GHRL: variants seen among roughly 807,000 people sequenced by gnomAD.
GHRL encodes ghrelin and obestatin prepropeptide, also known as appetite-regulating hormone.
In GHRL, 24 loss-of-function variants were observed where a neutral mutation model predicts 16.9. The ratio of observed to expected loss-of-function variants is 1.42; its 90% CI spans 1.03 to 2.00. GHRL has a LOEUF of 2.00. Ranked by LOEUF, GHRL falls within the 30% of genes most tolerant of loss-of-function variation. The pLI is 0.00. For missense variants in GHRL, 193 were observed against 142.1 expected, an observed-to-expected ratio of 1.36 and a Z score of -1.82; for synonymous variants, 63 against 58.2, an observed-to-expected ratio of 1.08 and a Z score of -0.37.
chr3:10,290,097 C>T lies in GHRL; in HGVS notation c.84G>A (p.Leu28=). ...LDLAMAGSSF[L]SPEHQRVQQR... is the part of the protein sequence containing the mutation. Reference sequence around the variant, plus strand: ...CCTGGACTCTCTGGTGTTCAGGGCTCAGGAAGCTGGAGCCTGCCATGGCCA... The same window carrying T: ...CCTGGACTCTCTGGTGTTCAGGGCTTAGGAAGCTGGAGCCTGCCATGGCCA... The change falls in exon 3 of 6, where the codon CTG becomes CTA. Residue 28 remains leucine (L), a synonymous_variant. Coordinates refer to ENST00000335542, the MANE Select transcript of GHRL (RefSeq NM_016362.5). 6.2e-7 allele frequency: 1 copy of T among 1,612,872 alleles called. No individual in the cohort carries two copies. The highest frequency in any genetic ancestry group is 8.5e-7 in the Non-Finnish European group (1 of 1,179,746).
intron 3 of GHRL, 63 bp from the exon 4 acceptor site, chr3:10,289,941 G>T: frequency 1.3e-6 from 2 of 1,489,894 alleles, no homozygotes; most frequent in Non-Finnish European, 1.9e-6. Flanking sequence ...AAACAGTGAG[G>T]TCAGACCCAG....
chr3:10,290,070 C>T lies in GHRL; in HGVS notation c.108+3G>A. 2 of 1,611,308 alleles carry T rather than the reference C, an allele frequency of 1.2e-6. No homozygotes were observed. Among genetic ancestry groups the T allele is most frequent in the African/African-American group, 1.3e-5 (1 of 75,004 alleles). ...CATGTGGGGCTTTGTGGGGAGGTCT[C>T]ACCTGGACTCTCTGGTGTTCAGGGC... On this transcript the variant is annotated splice_donor_region_variant and intron_variant, in intron 3 of 5. Transcript: ENST00000335542.
Position 10,290,501 on chromosome 3 carries a change from G to A in GHRL, c.-30+215C>T. On this transcript the variant is annotated intron_variant, in intron 2 of 5. Transcript: ENST00000335542. ...GAGCTCATGGCGAGTCTTTTCATGAGGAGGGAGGAAGCTGAACCAGCAAGG... is the reference window on the plus strand; with the variant it reads ...GAGCTCATGGCGAGTCTTTTCATGAAGAGGGAGGAAGCTGAACCAGCAAGG... 4 of 346,260 alleles carry A rather than the reference G, an allele frequency of 1.2e-5. No individual in the cohort carries two copies. The South Asian group carries it at 1.3e-4, about 11-fold the overall frequency. 21.4% of individuals were successfully genotyped at this position (346,260 alleles called of 1,614,324 possible).
At chr3:10,292,656 G>GTAGAT (rs1486988099) in intron 1 of GHRL, 186 bp downstream of exon 1, 1 of 568,044 alleles carries the variant, frequency 1.8e-6, no homozygotes, top group East Asian at 3.2e-5. Flanking sequence ...CCACCTGAGT[G>GTAGAT]TAGACATCTT....
chr3:10,289,347 G>A (rs962372462), intron 4 of GHRL, among the ~76,000 whole-genome samples: 6 of 152,162 alleles, frequency 3.9e-5, no homozygotes, highest in Non-Finnish European at 7.3e-5. Flanking sequence ...GGTGCTGTTC[G>A]GAAGCACTCC....
chr3:10,289,288 G>A lies in GHRL; in HGVS notation c.225+474C>T, dbSNP rs892132181. On this transcript the variant is annotated intron_variant, in intron 4 of 5. Coordinates refer to ENST00000335542, the MANE Select transcript of GHRL (RefSeq NM_016362.5). ...ACCTGCCCCCTCCTTGCCTCCAGGC[G>A]AGGTGAGTGGGTGCCGGAGCCTGGG... Among the ~76,000 whole-genome samples the A allele has an allele frequency of 3.3e-5, 5 of 152,150 alleles. No homozygotes were observed. The East Asian group carries it at 5.8e-4, about 18-fold the overall frequency.
Position 10,285,845 on chromosome 3 carries a change from T to TAG in GHRL, c.*28_*29dup. 1 of 1,604,792 alleles carries TAG rather than the reference T, an allele frequency of 6.2e-7. No individual in the cohort carries two copies. The highest frequency in any genetic ancestry group is 8.5e-7 in the Non-Finnish European group (1 of 1,171,616). The stretch of plus-strand genomic sequence containing the variant: ...AAAGCCAGATGAGCGCTTCTAAACT[T>TAG]AGAGAGAGGTGAGTAAGGCTTGTGG... On this transcript the variant is annotated 3_prime_UTR_variant, in exon 6 of 6. Transcript: ENST00000335542.
In GHRL at chr3:10,289,759, G is replaced by A. The variant is rs566069502; in HGVS notation, c.225+3C>T. On this transcript the variant is annotated splice_donor_region_variant and intron_variant, in intron 4 of 5. Coordinates refer to ENST00000335542, the MANE Select transcript of GHRL (RefSeq NM_016362.5). ...AGAAGCATAAAACTGCAGAGGTACC[G>A]ACCCGGACTTCCAGTTCATCCTCTG... 8.9e-6 allele frequency: 14 copies of A among 1,566,514 alleles called. No individual in the cohort carries two copies. The highest frequency in any genetic ancestry group is 6.7e-5 in the East Asian group (3 of 44,576).
chr3:10,291,862 G>GGCA (rs1043293518), intron 1 of GHRL, among the ~76,000 whole-genome samples: 25 of 152,284 alleles, frequency 1.6e-4, no homozygotes, highest in Non-Finnish European at 2.6e-4. Context: ...GGTGAACTCG[G>GGCA]GGCAGGGCTT....
chr3:10,286,932 C>T (rs997228610), intron 4 of GHRL, 120 bp from the exon 5 acceptor site: 2 of 636,934 alleles, frequency 3.1e-6, no homozygotes, highest in South Asian at 3.7e-5. Flanking sequence ...GGCCTTTGGG[C>T]CCCAGCAGGG....
At position 10,287,913 on chromosome 3, in the gene GHRL, A is replaced by ATTTTTTTTTTTTTTTTTTTTTTTTTTT. The variant is rs1576049089; in HGVS notation, c.226-1102_226-1101insAAAAAAAAAAAAAAAAAAAAAAAAAAA. 2.3e-5 allele frequency: 2 copies of ATTTTTTTTTTTTTTTTTTTTTTTTTTT among 87,952 alleles called. 1 individual carries two copies. The allele number at this position is 87,952 out of a possible 1,614,324, so 5.4% of individuals were successfully genotyped here. A position where few individuals can be genotyped will look rare whatever the true frequency, so the allele number is the denominator to read the frequency against. ...GACCCAGTGGGGAATGACATGATTG[A>ATTTTTTTTTTTTTTTTTTTTTTTTTTT]ATTTTTTTTTTTTTTTTTTTTTTTT... On this transcript the variant is annotated intron_variant, in intron 4 of 5. Transcript: ENST00000335542.
intron 4 of GHRL, 83 bp downstream of exon 4, chr3:10,289,679 A>T: frequency 1.2e-6 from 1 of 868,568 alleles, no homozygotes; most frequent in Non-Finnish European, 2.0e-6. Flanking sequence ...GACCCTGTTC[A>T]CTGCCACCTC....
chr3:10,289,936 G>A, intron 3 of GHRL, 58 bp from the exon 4 acceptor site: 1 of 1,497,008 alleles, frequency 6.7e-7, no homozygotes. Context: ...TCCAGAAACA[G>A]TGAGGTCAGA....
rs372434370 is a variant in GHRL, at chr3:10,289,779, C to A, written c.208G>T (p.Asp70Tyr). The A allele has an allele frequency of 6.2e-7, 1 of 1,607,920 alleles. No individual in the cohort carries two copies. The highest frequency in any genetic ancestry group is 1.3e-5 in the African/African-American group (1 of 74,700). Residue 70 changes from aspartate (D) to tyrosine (Y), a missense_variant, in exon 4 of 6, where the codon GAT becomes TAT. Coordinates refer to ENST00000335542, the MANE Select transcript of GHRL (RefSeq NM_016362.5). Reference sequence around the variant, plus strand: ...GTACCGACCCGGACTTCCAGTTCATCCTCTGCCCCTTCTGCTTGACCTCCA... The same window carrying A: ...GTACCGACCCGGACTTCCAGTTCATACTCTGCCCCTTCTGCTTGACCTCCA... ...EDGGQAEGAE[D>Y]ELEVRFNAPF... is the part of the protein sequence containing the mutation.
intron 4 of GHRL, chr3:10,287,064 G>A (rs1699194753): frequency 6.0e-6 from 2 of 332,510 alleles, no homozygotes; most frequent in African/African-American, 2.1e-5. Flanking sequence ...AGCCTCTAAT[G>A]GGATTGCTGA....
In GHRL at chr3:10,290,113, G is replaced by T. The variant is rs1576073042; in HGVS notation, c.68C>A (p.Ala23Glu). ...LGMLWLDLAM[A>E]GSSFLSPEHQ... ...TTCAGGGCTCAGGAAGCTGGAGCCT[G>T]CCATGGCCAAGTCCAGCCAGAGCAT... The change falls in exon 3 of 6, where the codon GCA (alanine) becomes GAA (glutamate). Residue 23 changes from alanine to glutamate, a missense_variant. Coordinates refer to ENST00000335542, the MANE Select transcript of GHRL (RefSeq NM_016362.5). The T allele has an allele frequency of 6.2e-7, 1 of 1,613,148 alleles. No homozygotes were observed. Among genetic ancestry groups the T allele is most frequent in the Non-Finnish European group, 8.5e-7 (1 of 1,179,758 alleles).
In GHRL at chr3:10,290,918, T is replaced by C. The variant is rs1308532965; in HGVS notation, c.-232A>G. On this transcript the variant is annotated 5_prime_UTR_variant, in exon 2 of 6. Coordinates refer to ENST00000335542, the MANE Select transcript of GHRL (RefSeq NM_016362.5). ...TCAGATGCCCTGCGGAATTGCTGGG[T>C]TGGCGAGGGAAGAAGCATGTGCTCC... The C allele has an allele frequency of 4.1e-6, 4 of 985,502 alleles. No individual in the cohort carries two copies. Among genetic ancestry groups the C allele is most frequent in the Non-Finnish European group, 4.8e-6 (4 of 830,058 alleles). 61.0% of individuals were successfully genotyped at this position (985,502 alleles called of 1,614,324 possible).
Position 10,289,842 on chromosome 3 carries a change from G to C in GHRL, c.145C>G (p.Gln49Glu). 6.2e-7 allele frequency: 1 copy of C among 1,613,758 alleles called. No individual in the cohort carries two copies. The highest frequency in any genetic ancestry group is 8.5e-7 in the Non-Finnish European group (1 of 1,179,820). The change falls in exon 4 of 6, where the codon CAG (glutamine) becomes GAG (glutamate). Residue 49 changes from glutamine to glutamate, a missense_variant. Physicochemically the swap from Gln to Glu is conservative, Grantham distance 29. Transcript: ENST00000335542. ...KESKKPPAKL[Q>E]PRALAGWLRP... is the part of the protein sequence containing the mutation. ...AGCCAGCCTGCTAGAGCTCGGGGCT[G>C]CAGCTTGGCTGGTGGCTTCTTCGAC...
chr3:10,290,555 T>C (rs1042433874), intron 2 of GHRL, among the ~76,000 whole-genome samples, 161 bp downstream of exon 2: 2 of 152,090 alleles, frequency 1.3e-5, no homozygotes, highest in Admixed American at 1.3e-4. Context: ...GGGAGGGGGT[T>C]AGAGGTAGCT....
Sources: allele counts gnomAD v4.1 joint callset (sites outside exome capture counted in the v4.1 genomes callset), GRCh38; gene constraint gnomAD v4.1.1; transcripts MANE v1.5; gene names NCBI Gene and HGNC (gene_info 2026-07-23, HGNC 2026-07-21).